DSC1: variants seen among roughly 807,000 people sequenced by gnomAD.
DSC1 encodes desmocollin 1.
A neutral mutation model predicts 98.8 loss-of-function variants in DSC1; 79 were observed. That is an observed-to-expected ratio of 0.80 (90% CI 0.67 to 0.96). DSC1 has a LOEUF of 0.96. Ranked by LOEUF, DSC1 falls within the 50% of genes least tolerant of loss-of-function variation. DSC1 has a pLI of 0.00. For missense variants in DSC1, 1,115 were observed against 1,075.9 expected, an observed-to-expected ratio of 1.04 and a Z score of -0.51; for synonymous variants, 405 against 372.1, an observed-to-expected ratio of 1.09 and a Z score of -1.02.
intron 5 of DSC1, among the ~76,000 whole-genome samples, chr18:31,150,155 A>C (rs1988936634): frequency 6.7e-6 from 1 of 148,202 alleles, no homozygotes; most frequent in African/African-American, 2.5e-5. Flanking sequence ...CATCGCAATC[A>C]CCACCACCAC....
intron 5 of DSC1, among the ~76,000 whole-genome samples, 198 bp downstream of exon 5, chr18:31,154,576 C>G (rs1989058242): frequency 6.6e-6 from 1 of 152,048 alleles, no homozygotes; most frequent in African/African-American, 2.4e-5. Context: ...TTCTTTACCT[C>G]CCCCGCCACT....
At chr18:31,133,078 T>G (rs1218082660) in intron 13 of DSC1, among the ~76,000 whole-genome samples, 1 of 152,144 alleles carries the variant, frequency 6.6e-6, no homozygotes, top group East Asian at 1.9e-4. Context: ...ATAAAATTGG[T>G]GTCTGGTTTC....
intron 14 of DSC1, chr18:31,132,100 G>A (rs1028045396): frequency 2.0e-6 from 1 of 507,196 alleles, no homozygotes; most frequent in African/African-American, 1.9e-5. Context: ...CTAAGATGAG[G>A]TTATATGGGA....
chr18:31,143,928 T>C (rs1310063406), intron 7 of DSC1, 137 bp from the exon 8 acceptor site: 2 of 554,666 alleles, frequency 3.6e-6, no homozygotes, highest in Non-Finnish European at 5.3e-6. Context: ...ATTTATTTAT[T>C]TGAGATGGGG....
rs781302189 is a variant in DSC1, at chr18:31,157,647, G to A, written c.149-74C>T. 1.2e-4 allele frequency: 187 copies of A among 1,510,202 alleles called. 1 individual carries two copies. The highest frequency in any genetic ancestry group is 8.7e-4 in the Middle Eastern group (5 of 5,766). The allele number at this position is 1,510,202 out of a possible 1,614,324, so 93.6% of individuals were successfully genotyped here. A position where few individuals can be genotyped will look rare whatever the true frequency, so the allele number is the denominator to read the frequency against. On this transcript the variant is annotated intron_variant, in intron 2 of 15. Transcript: ENST00000257198. ...AACAAGTTTTACAGGAATGACAGCC[G>A]TGAGTTAATGCATGAGAAGCAGAAA...
chr18:31,130,551 T>C lies in DSC1; in HGVS notation c.2648A>G (p.Lys883Arg). 1 of 1,614,164 alleles carries C rather than the reference T, an allele frequency of 6.2e-7. No individual in the cohort carries two copies. Among genetic ancestry groups the C allele is most frequent in the Non-Finnish European group, 8.5e-7 (1 of 1,180,016 alleles). ...GLEFLDHLEP[K>R]FRTLAKTCIK... is the part of the protein sequence containing the mutation. ...GCATGTCTTTGCTAATGTCCTAAAT[T>C]TGGGTTCCAGGTGATCTAGAAACTC... The change falls in exon 16 of 16, where the codon AAA becomes AGA. Residue 883 changes from lysine (K) to arginine (R), a missense_variant. By Grantham distance (26) the Lys-to-Arg change is conservative. Transcript: ENST00000257198.
intron 7 of DSC1, among the ~76,000 whole-genome samples, chr18:31,144,450 A>C (rs762066148): frequency 1.1e-4 from 17 of 152,232 alleles, no homozygotes; most frequent in Non-Finnish European, 2.4e-4. Context: ...ATCAAGACTT[A>C]AAAAGACATG....
At chr18:31,142,294 C>T in intron 8 of DSC1, 110 bp from the exon 9 acceptor site, 1 of 1,164,192 alleles carries the variant, frequency 8.6e-7, no homozygotes, top group Non-Finnish European at 1.2e-6. Flanking sequence ...TGAAAAGCTG[C>T]CCTCACTATA....
chr18:31,134,795 T>C lies in DSC1; in HGVS notation c.1664-11A>G, dbSNP rs779180642. Reference sequence around the variant, plus strand: ...TGCAAGATCGGCCAACTAAGATTAATTAAAAATAGGTTATTTCTTCACATG... The same window carrying C: ...TGCAAGATCGGCCAACTAAGATTAACTAAAAATAGGTTATTTCTTCACATG... On this transcript the variant is annotated splice_polypyrimidine_tract_variant and intron_variant, in intron 11 of 15. Coordinates refer to ENST00000257198, the MANE Select transcript of DSC1 (RefSeq NM_024421.2). 14 of 1,597,794 alleles carry C rather than the reference T, an allele frequency of 8.8e-6. No individual in the cohort carries two copies. Among genetic ancestry groups the C allele is most frequent in the Non-Finnish European group, 1.2e-5 (14 of 1,167,780 alleles).
chr18:31,150,235 CA>C (rs1988943593), intron 5 of DSC1, among the ~76,000 whole-genome samples: 4 of 142,800 alleles, frequency 2.8e-5, no homozygotes, highest in Non-Finnish European at 4.6e-5. Context: ...CTACCACCAT[CA>C]TCACCACCAC....
At chr18:31,157,894 ATT>A in intron 2 of DSC1, among the ~76,000 whole-genome samples, 1 of 152,166 alleles carries the variant, frequency 6.6e-6, no homozygotes, top group South Asian at 2.1e-4. Flanking sequence ...TACAAACTTG[ATT>A]TTTTATGTCA....
chr18:31,150,369 CCACCAT>C (rs1568002863), intron 5 of DSC1, among the ~76,000 whole-genome samples: 9 of 3,038 alleles, frequency 3.0e-3, no homozygotes, highest in Admixed American at 4.9e-3. Flanking sequence ...ATCATCACCA[CCACCAT>C]CATCACCACC....
At chr18:31,142,284 T>C (rs1988754871) in intron 8 of DSC1, 100 bp from the exon 9 acceptor site, 2 of 1,288,512 alleles carry the variant, frequency 1.6e-6, no homozygotes, top group South Asian at 2.8e-5. Flanking sequence ...TAAAGTGATG[T>C]GAAAAGCTGC....
chr18:31,154,077 G>A (rs967754893), intron 5 of DSC1, among the ~76,000 whole-genome samples: 2 of 152,090 alleles, frequency 1.3e-5, no homozygotes, highest in Admixed American at 6.5e-5. Context: ...CATTTCATCA[G>A]ATGAGACATC....
At position 31,133,882 on chromosome 18, in the gene DSC1, TATA is replaced by T; in HGVS notation, c.2116+6_2116+8del. On this transcript the variant is annotated splice_donor_region_variant and intron_variant, in intron 13 of 15. Transcript: ENST00000257198. ...ACACATTCTAGATAATGATACTTAATATACTTACATAATAACAATACAGAACCC... is the reference window on the plus strand; with the variant it reads ...ACACATTCTAGATAATGATACTTAATCTTACATAATAACAATACAGAACCC... The T allele has an allele frequency of 6.2e-7, 1 of 1,603,620 alleles. No individual in the cohort carries two copies. Among genetic ancestry groups the T allele is most frequent in the Non-Finnish European group, 8.5e-7 (1 of 1,174,482 alleles).
At chr18:31,135,092 C>T (rs757304533) in intron 11 of DSC1, among the ~76,000 whole-genome samples, 31 of 152,106 alleles carry the variant, frequency 2.0e-4, no homozygotes, top group South Asian at 6.2e-4. Context: ...CTTTATGAAG[C>T]GCATATATTC....
intron 10 of DSC1, 45 bp from the exon 11 acceptor site, chr18:31,139,935 A>G: frequency 1.9e-6 from 3 of 1,570,268 alleles, no homozygotes; most frequent in Non-Finnish European, 2.6e-6. Flanking sequence ...CAAAGAAGGG[A>G]CATGATCTTA....
rs762253380 is a variant in DSC1 at position 31,140,005 on chromosome 18, CA to C, written c.1520+36del. On this transcript the variant is annotated intron_variant, in intron 10 of 15. Transcript: ENST00000257198. ...ATAACTTTAAAAACAATTTACATCA[CA>C]ATTAAAATTAAGGAGCTTTTTGAAA... 4.4e-6 allele frequency: 7 copies of C among 1,580,762 alleles called. No individual in the cohort carries two copies. The African/African-American group carries it at 6.8e-5, about 15-fold the overall frequency.
rs1211564307 is a variant in DSC1 at position 31,154,888 on chromosome 18, G to A, written c.513C>T (p.Ser171=). ...CTTTGTCCACGCCTGGCCCACTTAT[G>A]GAATAAAAGATGGTGTAATTCTGTG... The part of the protein sequence containing the change: ...DAAQNYTIFY[S]ISGPGVDKEP... The change falls in exon 5 of 16, where the codon TCC becomes TCT. Residue 171 remains serine, a synonymous_variant. Coordinates refer to ENST00000257198, the MANE Select transcript of DSC1 (RefSeq NM_024421.2). 1.2e-6 allele frequency: 2 copies of A among 1,613,832 alleles called. No homozygotes were observed. Among genetic ancestry groups the A allele is most frequent in the African/African-American group, 1.3e-5 (1 of 74,898 alleles).
Sources: allele counts gnomAD v4.1 joint callset (sites outside exome capture counted in the v4.1 genomes callset), GRCh38; gene constraint gnomAD v4.1.1; transcripts MANE v1.5; gene names NCBI Gene and HGNC (gene_info 2026-07-23, HGNC 2026-07-21).